GLRA1: variants seen among roughly 807,000 people sequenced by gnomAD.
GLRA1 encodes glycine receptor alpha 1.
In GLRA1, 37 loss-of-function variants were observed where a neutral mutation model predicts 48.3. The ratio of observed to expected loss-of-function variants is 0.77; its 90% CI spans 0.59 to 1.01. The LOEUF (loss-of-function observed/expected upper bound fraction) is 1.01, where lower values mean the gene tolerates loss of function less well. Ranked by LOEUF, GLRA1 falls within the 50% of genes least tolerant of loss-of-function variation. The pLI is 0.00. For missense variants in GLRA1, 427 were observed against 571.0 expected (o/e 0.75, Z 2.57); for synonymous variants, 196 against 210.7 (o/e 0.93, Z 0.60).
intron 1 of GLRA1, among the ~76,000 whole-genome samples, chr5:151,905,132 C>A (rs969754856): frequency 1.3e-5 from 2 of 151,936 alleles, no homozygotes; most frequent in East Asian, 3.9e-4. Context: ...GGCTGGTTGC[C>A]CTCAGACCAG....
rs778280697 is a variant in GLRA1 at position 151,822,762 on chromosome 5, T to C, written c.1261A>G (p.Ile421Val). 8.1e-6 allele frequency: 13 copies of C among 1,613,876 alleles called. No homozygotes were observed. The highest frequency in any genetic ancestry group is 1.1e-5 in the Non-Finnish European group (13 of 1,179,832). ...ATGAGGAAGGCCATGGGGAAGCCAA[T>C]GCGGGATATTTTGTCGATCTTCTTG... ...RAKKIDKISRIGFPMAFLIFN... is the reference protein window; with the variant it reads ...RAKKIDKISRVGFPMAFLIFN... The change falls in exon 9 of 9, where the codon ATT becomes GTT. Residue 421 changes from isoleucine to valine, a missense_variant. Ile to Val is a conservative substitution (Grantham distance 29). Coordinates refer to ENST00000274576, the MANE Select transcript of GLRA1 (RefSeq NM_000171.4).
rs190047868 is a variant in GLRA1 at position 151,847,095 on chromosome 5, G to T, written c.912+4295C>A. Among the ~76,000 whole-genome samples the T allele has an allele frequency of 9.8e-5, 15 of 152,310 alleles. No homozygotes were observed. The East Asian group carries it at 2.9e-3, about 29-fold the overall frequency. ...GGTAAAGGGTGTGAGGGTGTTTATT[G>T]TATGTTCTTTCAACTTTTCTATATC... is the stretch of plus-strand genomic sequence containing the variant. On this transcript the variant is annotated intron_variant, in intron 7 of 8. Transcript: ENST00000274576.
chr5:151,878,539 C>T (rs977260694), intron 3 of GLRA1, among the ~76,000 whole-genome samples: 4 of 152,202 alleles, frequency 2.6e-5, no homozygotes, highest in African/African-American at 9.7e-5. Flanking sequence ...GAGGTCTTCA[C>T]AGCAGCCACT....
At chr5:151,893,418 T>C (rs1004402669) in intron 1 of GLRA1, among the ~76,000 whole-genome samples, 3 of 151,742 alleles carry the variant, frequency 2.0e-5, no homozygotes, top group Non-Finnish European at 4.4e-5. Flanking sequence ...GGTATACATG[T>C]GCCATGGTGG....
intron 3 of GLRA1, among the ~76,000 whole-genome samples, chr5:151,868,631 G>A (rs1169739043): frequency 6.6e-6 from 1 of 152,202 alleles, no homozygotes; most frequent in African/African-American, 2.4e-5. Flanking sequence ...TGACACCTCA[G>A]TGTCATTAGG....
At position 151,822,690 on chromosome 5, in the gene GLRA1, CCT is replaced by C; in HGVS notation, c.1331_1332del (p.Glu444GlyfsTer51). 2 of 1,613,350 alleles carry C rather than the reference CCT, an allele frequency of 1.2e-6. No individual in the cohort carries two copies. The highest frequency in any genetic ancestry group is 1.7e-6 in the Non-Finnish European group (2 of 1,179,348). ...CAGACCCTTCACTGGTTGTGGACGT[CCT>C]CTCTACGGACAATCTTGTAGATGAT... ...YWIIYKIVRREDVHNQ is the reference protein window; with the variant it reads ...YWIIYKIVRRXDVHNQ On this transcript the variant is annotated frameshift_variant, in exon 9 of 9. Coordinates refer to ENST00000274576, the MANE Select transcript of GLRA1 (RefSeq NM_000171.4). LOFTEE classifies it high-confidence loss of function.
At chr5:151,853,541 C>A (rs969093068) in intron 6 of GLRA1, among the ~76,000 whole-genome samples, 3 of 151,968 alleles carry the variant, frequency 2.0e-5, no homozygotes, top group Admixed American at 6.6e-5. Context: ...CAGGCATGAG[C>A]CACCATGCCT....
intron 8 of GLRA1, among the ~76,000 whole-genome samples, chr5:151,825,093 G>T (rs923261197): frequency 1.3e-5 from 2 of 152,184 alleles, no homozygotes; most frequent in Non-Finnish European, 2.9e-5. Context: ...GGAAGAGGAT[G>T]TGCCACCTAC....
At position 151,822,714 on chromosome 5, in the gene GLRA1, T is replaced by A. The variant is rs780043745; in HGVS notation, c.1309A>T (p.Ile437Phe). The A allele has an allele frequency of 6.2e-7, 1 of 1,613,922 alleles. No homozygotes were observed. Among genetic ancestry groups the A allele is most frequent in the East Asian group, 2.2e-5 (1 of 44,876 alleles). ...TCCTCTCTACGGACAATCTTGTAGA[T>A]GATCCAGTAGAACATGTTGAAAATG... ...FLIFNMFYWIIYKIVRREDVH... is the reference protein window; with the variant it reads ...FLIFNMFYWIFYKIVRREDVH... The change falls in exon 9 of 9, where the codon ATC becomes TTC. Residue 437 changes from isoleucine (I) to phenylalanine (F), a missense_variant. Physicochemically the swap from Ile to Phe is conservative, Grantham distance 21. Around this residue, in one of 4 missense-constraint regions of GLRA1, gnomAD observed 121 missense variants for 96.5 expected, o/e 1.25. Transcript: ENST00000274576.
intron 7 of GLRA1, among the ~76,000 whole-genome samples, chr5:151,841,348 T>C (rs1284397695): frequency 6.6e-6 from 1 of 151,994 alleles, no homozygotes; most frequent in Non-Finnish European, 1.5e-5. Flanking sequence ...GCTAAAATCA[T>C]TTTTAGAGGG....
At chr5:151,862,269 C>T (rs1436171279) in intron 3 of GLRA1, among the ~76,000 whole-genome samples, 1 of 152,220 alleles carries the variant, frequency 6.6e-6, no homozygotes, top group South Asian at 2.1e-4. Flanking sequence ...ACACCTTATA[C>T]AAAAATTAAT....
At chr5:151,898,294 C>G (rs1425867280) in intron 1 of GLRA1, among the ~76,000 whole-genome samples, 1 of 150,934 alleles carries the variant, frequency 6.6e-6, no homozygotes, top group East Asian at 1.9e-4. Context: ...TGTCTTGGTT[C>G]TTCCTCACCT....
At chr5:151,829,907 C>A (rs1190315561) in intron 7 of GLRA1, among the ~76,000 whole-genome samples, 1 of 152,160 alleles carries the variant, frequency 6.6e-6, no homozygotes, top group Admixed American at 6.5e-5. Flanking sequence ...GTATTTCATT[C>A]CTTTTTATGG....
chr5:151,888,404 TG>T (rs1753974159), intron 2 of GLRA1, among the ~76,000 whole-genome samples: 1 of 152,234 alleles, frequency 6.6e-6, no homozygotes, highest in African/African-American at 2.4e-5. Context: ...TTCTCTGTCC[TG>T]GGCCTCAATT....
intron 3 of GLRA1, among the ~76,000 whole-genome samples, chr5:151,882,120 G>A: frequency 6.6e-6 from 1 of 152,180 alleles, no homozygotes; most frequent in East Asian, 1.9e-4. Context: ...TGTTCAAGCT[G>A]AAGTTCCCTT....
At position 151,859,814 on chromosome 5, in the gene GLRA1, G is replaced by T; in HGVS notation, c.447C>A (p.Ser149=). 6.2e-7 allele frequency: 1 copy of T among 1,613,722 alleles called. No individual in the cohort carries two copies. The highest frequency in any genetic ancestry group is 8.5e-7 in the Non-Finnish European group (1 of 1,179,652). The change falls in exon 4 of 9, where the codon TCC becomes TCA. Residue 149 remains serine (S), a synonymous_variant. Coordinates refer to ENST00000274576, the MANE Select transcript of GLRA1 (RefSeq NM_000171.4). ...TGCTGTAGAGGACATTCCCATTCCG[G>T]GAGATCCTTAGCAATTTGTTGTCTG... ...ITTDNKLLRI[S]RNGNVLYSIR... is the part of the protein sequence containing the mutation.
intron 3 of GLRA1, 33 bp downstream of exon 3, chr5:151,886,688 A>G: frequency 7.1e-7 from 1 of 1,416,278 alleles, no homozygotes; most frequent in Non-Finnish European, 1.0e-6. Context: ...TATCTCCAGC[A>G]GGAACTAACA....
intron 1 of GLRA1, among the ~76,000 whole-genome samples, chr5:151,896,213 TCTGGTCACCCAGCCA>T (rs1369693066): frequency 6.6e-6 from 1 of 152,210 alleles, no homozygotes; most frequent in African/African-American, 2.4e-5. Flanking sequence ...GTATTTGCAG[TCTGGTCACCCAGCCA>T]CTGGCTCACT....
chr5:151,828,716 C>T (rs1429222631), intron 8 of GLRA1, among the ~76,000 whole-genome samples: 2 of 152,110 alleles, frequency 1.3e-5, no homozygotes, highest in African/African-American at 4.8e-5. Context: ...TGTTAGGATT[C>T]GAAGAGTGAC....
Sources: gnomAD v4.1 joint callset for allele counts (sites outside exome capture counted in the v4.1 genomes callset) on GRCh38, gnomAD v4.1.1 for gene constraint, gnomAD v4.1.1 regional missense constraint, MANE v1.5 for transcripts, NCBI Gene and HGNC (gene_info 2026-07-23, HGNC 2026-07-21) for gene names.